Variants in OR5M10 observed in about 807,000 individuals in gnomAD.
The protein encoded by OR5M10 is olfactory receptor family 5 subfamily M member 10.
For missense variants in OR5M10, 387 were observed against 376.4 expected (o/e 1.03, Z -0.23); for synonymous variants, 149 against 144.8 (o/e 1.03, Z -0.21).
rs182443406 is a variant in OR5M10, at chr11:56,577,624, G to A, written c.98C>T (p.Ala33Val). 25 of 1,613,560 alleles carry A rather than the reference G, an allele frequency of 1.5e-5. No individual in the cohort carries two copies. Among genetic ancestry groups the A allele is most frequent in the South Asian group, 1.3e-4 (12 of 91,078 alleles). ...GCCTGCCAGTGTGATTAGGTAGATC[G>A]CCAGGAACACCCCAAACAGGATCTT... is the stretch of plus-strand genomic sequence containing the variant. ...LEKILFGVFL[A>V]IYLITLAGNL... The change falls in exon 1 of 1, where the codon GCG becomes GTG. Residue 33 changes from alanine to valine, a missense_variant. Physicochemically the swap from Ala to Val is moderately conservative, Grantham distance 64. Coordinates refer to ENST00000526538, the MANE Select transcript of OR5M10 (RefSeq NM_001004741.1).
In OR5M10 at chr11:56,576,827, G is replaced by A; in HGVS notation, c.895C>T (p.Leu299Phe). The change falls in exon 1 of 1, where the codon CTT becomes TTT. Residue 299 changes from leucine to phenylalanine, a missense_variant. By Grantham distance (22) the Leu-to-Phe change is conservative. Coordinates refer to ENST00000526538, the MANE Select transcript of OR5M10 (RefSeq NM_001004741.1). ...IYSLRNRDVI[L>F]AIQQMIRGKS... Reference sequence around the variant, plus strand: ...CCCCTAATCATTTGTTGTATGGCAAGGATTACATCTCTGTTCCGTAGGCTA... The same window carrying A: ...CCCCTAATCATTTGTTGTATGGCAAAGATTACATCTCTGTTCCGTAGGCTA... 1 of 1,613,220 alleles carries A rather than the reference G, an allele frequency of 6.2e-7. No individual in the cohort carries two copies. Among genetic ancestry groups the A allele is most frequent in the Non-Finnish European group, 8.5e-7 (1 of 1,179,742 alleles).
rs773230017 is a variant in OR5M10, at chr11:56,577,175, G to C, written c.547C>G (p.Pro183Ala). 132 of 1,613,756 alleles carry C rather than the reference G, an allele frequency of 8.2e-5. No homozygotes were observed. Among genetic ancestry groups the C allele is most frequent in the Admixed American group, 3.2e-4 (19 of 59,984 alleles). The change falls in exon 1 of 1, where the codon CCT (proline) becomes GCT (alanine). Residue 183 changes from proline (P) to alanine (A), a missense_variant. Coordinates refer to ENST00000526538, the MANE Select transcript of OR5M10 (RefSeq NM_001004741.1). ...EINHFYCADP[P>A]LIMLACSDTR... is the part of the protein sequence containing the mutation. ...TCAGAGCAGGCCAGCATGATAAGAG[G>C]AGGATCAGCGCAGTAGAAATGATTG...
Position 56,577,309 on chromosome 11 carries a change from T to C in OR5M10, c.413A>G (p.Lys138Arg), listed in dbSNP as rs771628713. ...AGTGACCAGAGAGATGCAAATGTTC[T>C]TGGACATCCTGGAACTGTAATGTAA... ...SPLHYSSRMS[K>R]NICISLVTVP... The change falls in exon 1 of 1, where the codon AAG becomes AGG. Residue 138 changes from lysine to arginine, a missense_variant. Lys to Arg is a conservative substitution (Grantham distance 26). Coordinates refer to ENST00000526538, the MANE Select transcript of OR5M10 (RefSeq NM_001004741.1). 2.5e-6 allele frequency: 4 copies of C among 1,613,862 alleles called. No individual in the cohort carries two copies. The Admixed American group carries it at 6.7e-5, about 27-fold the overall frequency.
In OR5M10 at chr11:56,577,325, T is replaced by G. The variant is rs763334712; in HGVS notation, c.397A>C (p.Ser133Arg). ...CAAATGTTCTTGGACATCCTGGAACTGTAATGTAAAGGGCTGCAAATGGCT... is the reference window on the plus strand; with the variant it reads ...CAAATGTTCTTGGACATCCTGGAACGGTAATGTAAAGGGCTGCAAATGGCT... The part of the protein sequence containing the change: ...YVAICSPLHY[S>R]SRMSKNICIS... The change falls in exon 1 of 1, where the codon AGT becomes CGT. Residue 133 changes from serine (S) to arginine (R), a missense_variant. Coordinates refer to ENST00000526538, the MANE Select transcript of OR5M10 (RefSeq NM_001004741.1). The G allele has an allele frequency of 9.9e-6, 16 of 1,613,704 alleles. No homozygotes were observed. Among genetic ancestry groups the G allele is most frequent in the Non-Finnish European group, 1.4e-5 (16 of 1,179,890 alleles).
In OR5M10 at chr11:56,577,715, A is replaced by G. The variant is rs1361397220; in HGVS notation, c.7T>C (p.Ser3Pro). 4 of 1,609,596 alleles carry G rather than the reference A, an allele frequency of 2.5e-6. No individual in the cohort carries two copies. Among genetic ancestry groups the G allele is most frequent in the Admixed American group, 1.7e-5 (1 of 59,872 alleles). The change falls in exon 1 of 1, where the codon TCC becomes CCC. Residue 3 changes from serine to proline, a missense_variant. Transcript: ENST00000526538. ML[S>P]PNHTIVTEFI... ...TCTGTCACTATGGTGTGGTTTGGGG[A>G]CAACATCTTCTTATTTCTTGAAAAC...
In OR5M10 at chr11:56,577,565, A is replaced by C; in HGVS notation, c.157T>G (p.Ser53Ala). ...AAATACATGGGTGTTTGCAGTTGGG[A>C]ATTGGTCCTGATCAGCAGGATCATG... ...LCMILLIRTNSQLQTPMYFFL... is the reference protein window; with the variant it reads ...LCMILLIRTNAQLQTPMYFFL... The change falls in exon 1 of 1, where the codon TCC becomes GCC. Residue 53 changes from serine (S) to alanine (A), a missense_variant. Coordinates refer to ENST00000526538, the MANE Select transcript of OR5M10 (RefSeq NM_001004741.1). 1.2e-6 allele frequency: 2 copies of C among 1,613,674 alleles called. No homozygotes were observed. The highest frequency in any genetic ancestry group is 1.7e-6 in the Non-Finnish European group (2 of 1,179,734).
chr11:56,576,883 A>G lies in OR5M10; in HGVS notation c.839T>C (p.Phe280Ser), dbSNP rs1853255569. 2 of 1,613,778 alleles carry G rather than the reference A, an allele frequency of 1.2e-6. No homozygotes were observed. The highest frequency in any genetic ancestry group is 1.7e-6 in the Non-Finnish European group (2 of 1,179,904). The change falls in exon 1 of 1, where the codon TTT (phenylalanine) becomes TCT (serine). Residue 280 changes from phenylalanine (F) to serine (S), a missense_variant. Physicochemically the swap from Phe to Ser is radical, Grantham distance 155. Transcript: ENST00000526538. ...CAATGGGTTCAGCATTGGGCTCAAA[A>G]AAGTATAAAAGACTGCAATTATTTT... ...ESKIIAVFYT[F>S]LSPMLNPLIY...
In OR5M10 at chr11:56,577,336, G is replaced by A; in HGVS notation, c.386C>T (p.Pro129Leu). Residue 129 changes from proline to leucine, a missense_variant, in exon 1 of 1, where the codon CCT becomes CTT. Coordinates refer to ENST00000526538, the MANE Select transcript of OR5M10 (RefSeq NM_001004741.1). ...ALDRYVAICS[P>L]LHYSSRMSKN... is the part of the protein sequence containing the mutation. ...GGACATCCTGGAACTGTAATGTAAAGGGCTGCAAATGGCTACATAGCGATC... is the reference window on the plus strand; with the variant it reads ...GGACATCCTGGAACTGTAATGTAAAAGGCTGCAAATGGCTACATAGCGATC... 6.2e-7 allele frequency: 1 copy of A among 1,613,808 alleles called. No homozygotes were observed.
rs1853266155 is a variant in OR5M10, at chr11:56,577,317, C to G, written c.405G>C (p.Arg135Ser). ...AICSPLHYSSRMSKNICISLV... is the reference protein window; with the variant it reads ...AICSPLHYSSSMSKNICISLV... ...GAGAGATGCAAATGTTCTTGGACATCCTGGAACTGTAATGTAAAGGGCTGC... is the reference window on the plus strand; with the variant it reads ...GAGAGATGCAAATGTTCTTGGACATGCTGGAACTGTAATGTAAAGGGCTGC... The change falls in exon 1 of 1, where the codon AGG becomes AGC. Residue 135 changes from arginine (R) to serine (S), a missense_variant. Transcript: ENST00000526538. 1 of 1,613,832 alleles carries G rather than the reference C, an allele frequency of 6.2e-7. No homozygotes were observed. Among genetic ancestry groups the G allele is most frequent in the Non-Finnish European group, 8.5e-7 (1 of 1,179,886 alleles).
Position 56,576,855 on chromosome 11 carries a change from G to A in OR5M10, c.867C>T (p.Ile289=), listed in dbSNP as rs147155596. 3.0e-5 allele frequency: 48 copies of A among 1,613,850 alleles called. No homozygotes were observed. The East Asian group carries it at 1.0e-3, about 34-fold the overall frequency. Residue 289 remains isoleucine (I), a synonymous_variant, in exon 1 of 1, where the codon ATC becomes ATT. Coordinates refer to ENST00000526538, the MANE Select transcript of OR5M10 (RefSeq NM_001004741.1). ...TFLSPMLNPL[I]YSLRNRDVIL... ...TTACATCTCTGTTCCGTAGGCTATA[G>A]ATCAATGGGTTCAGCATTGGGCTCA...
chr11:56,577,520 A>G lies in OR5M10; in HGVS notation c.202T>C (p.Phe68Leu), dbSNP rs1329617296. 3 of 1,613,528 alleles carry G rather than the reference A, an allele frequency of 1.9e-6. No homozygotes were observed. The highest frequency in any genetic ancestry group is 1.7e-6 in the Non-Finnish European group (2 of 1,179,732). ...TTGGAAGAATAGCAAATGTCTACAA[A>G]GGAGAGGTGACCAAGGAAGAAATAC... is the stretch of plus-strand genomic sequence containing the variant. Reference protein sequence around the residue: ...PMYFFLGHLSFVDICYSSNVT... With the variant: ...PMYFFLGHLSLVDICYSSNVT... The change falls in exon 1 of 1, where the codon TTT becomes CTT. Residue 68 changes from phenylalanine to leucine, a missense_variant. By Grantham distance (22) the Phe-to-Leu change is conservative. Transcript: ENST00000526538.
Position 56,576,851 on chromosome 11 carries a change from T to A in OR5M10, c.871A>T (p.Ser291Cys). The A allele has an allele frequency of 6.2e-7, 1 of 1,613,880 alleles. No individual in the cohort carries two copies. Among genetic ancestry groups the A allele is most frequent in the South Asian group, 1.1e-5 (1 of 91,080 alleles). Residue 291 changes from serine (S) to cysteine (C), a missense_variant, in exon 1 of 1, where the codon AGC becomes TGC. Coordinates refer to ENST00000526538, the MANE Select transcript of OR5M10 (RefSeq NM_001004741.1). ...AGGATTACATCTCTGTTCCGTAGGC[T>A]ATAGATCAATGGGTTCAGCATTGGG... ...LSPMLNPLIY[S>C]LRNRDVILAI...
In OR5M10 at chr11:56,577,537, A is replaced by T; in HGVS notation, c.185T>A (p.Phe62Tyr). The T allele has an allele frequency of 6.2e-7, 1 of 1,613,676 alleles. No homozygotes were observed. Among genetic ancestry groups the T allele is most frequent in the Non-Finnish European group, 8.5e-7 (1 of 1,179,736 alleles). The change falls in exon 1 of 1, where the codon TTC becomes TAC. Residue 62 changes from phenylalanine to tyrosine, a missense_variant. Coordinates refer to ENST00000526538, the MANE Select transcript of OR5M10 (RefSeq NM_001004741.1). Reference protein sequence around the residue: ...NSQLQTPMYFFLGHLSFVDIC... With the variant: ...NSQLQTPMYFYLGHLSFVDIC... ...GTCTACAAAGGAGAGGTGACCAAGG[A>T]AGAAATACATGGGTGTTTGCAGTTG... is the stretch of plus-strand genomic sequence containing the variant.
In OR5M10 at chr11:56,576,813, T is replaced by G; in HGVS notation, c.909A>C (p.Gln303His). Residue 303 changes from glutamine (Q) to histidine (H), a missense_variant, in exon 1 of 1, where the codon CAA becomes CAC. Coordinates refer to ENST00000526538, the MANE Select transcript of OR5M10 (RefSeq NM_001004741.1). ...TACAAAAGGATTTTCCCCTAATCATTTGTTGTATGGCAAGGATTACATCTC... is the reference window on the plus strand; with the variant it reads ...TACAAAAGGATTTTCCCCTAATCATGTGTTGTATGGCAAGGATTACATCTC... ...RNRDVILAIQQMIRGKSFCKI... is the reference protein window; with the variant it reads ...RNRDVILAIQHMIRGKSFCKI... 1 of 1,612,170 alleles carries G rather than the reference T, an allele frequency of 6.2e-7. No homozygotes were observed. The highest frequency in any genetic ancestry group is 1.1e-5 in the South Asian group (1 of 90,580).
Position 56,576,901 on chromosome 11 carries a change from A to C in OR5M10, c.821T>G (p.Ile274Ser). 5.6e-6 allele frequency: 9 copies of C among 1,613,868 alleles called. No homozygotes were observed. Among genetic ancestry groups the C allele is most frequent in the Non-Finnish European group, 7.6e-6 (9 of 1,179,860 alleles). Residue 274 changes from isoleucine to serine, a missense_variant, in exon 1 of 1, where the codon ATT becomes AGT. Coordinates refer to ENST00000526538, the MANE Select transcript of OR5M10 (RefSeq NM_001004741.1). ...GCTCAAAAAAGTATAAAAGACTGCA[A>C]TTATTTTGGACTCCTCTACAGACTT... ...SEKSVEESKIIAVFYTFLSPM... is the reference protein window; with the variant it reads ...SEKSVEESKISAVFYTFLSPM...
rs1853263774 is a variant in OR5M10, at chr11:56,577,235, T to C, written c.487A>G (p.Thr163Ala). ...GAGCCACAGAAGGATAAGTGAAAGG[T>C]CAGCAGTGTCTGAGAGAGCCCATTA... is the stretch of plus-strand genomic sequence containing the variant. ...FLNGLSQTLLTFHLSFCGSLE... is the reference protein window; with the variant it reads ...FLNGLSQTLLAFHLSFCGSLE... The change falls in exon 1 of 1, where the codon ACC becomes GCC. Residue 163 changes from threonine to alanine, a missense_variant. Physicochemically the swap from Thr to Ala is moderately conservative, Grantham distance 58 (BLOSUM62 0). Transcript: ENST00000526538. The C allele has an allele frequency of 3.7e-6, 6 of 1,613,768 alleles. No homozygotes were observed. The highest frequency in any genetic ancestry group is 5.1e-6 in the Non-Finnish European group (6 of 1,179,876).
chr11:56,576,992 G>A lies in OR5M10; in HGVS notation c.730C>T (p.His244Tyr), dbSNP rs367901011. The change falls in exon 1 of 1, where the codon CAC (histidine) becomes TAC (tyrosine). Residue 244 changes from histidine to tyrosine, a missense_variant. Transcript: ENST00000526538. The stretch of plus-strand genomic sequence containing the variant: ...TAAAACAAAGTGACTATTGTCAGGT[G>A]GGAAGCACACGTAGAAAAGGCTTTG... ...RHKAFSTCASHLTIVTLFYGT... is the reference protein window; with the variant it reads ...RHKAFSTCASYLTIVTLFYGT... The A allele has an allele frequency of 3.1e-6, 5 of 1,613,698 alleles. No individual in the cohort carries two copies. The African/African-American group carries it at 5.3e-5, about 17-fold the overall frequency.
chr11:56,577,695 C>G lies in OR5M10; in HGVS notation c.27G>C (p.Val9=). The G allele has an allele frequency of 6.2e-7, 1 of 1,613,562 alleles. No individual in the cohort carries two copies. The highest frequency in any genetic ancestry group is 8.5e-7 in the Non-Finnish European group (1 of 1,179,660). ...TCAGTCCTAAGAGAATGAATTCTGT[C>G]ACTATGGTGTGGTTTGGGGACAACA... MLSPNHTI[V]TEFILLGLTD... The change falls in exon 1 of 1, where the codon GTG becomes GTC. Residue 9 remains valine, a synonymous_variant. Coordinates refer to ENST00000526538, the MANE Select transcript of OR5M10 (RefSeq NM_001004741.1).
rs1418178298 is a variant in OR5M10 at position 56,577,323 on chromosome 11, A to G, written c.399T>C (p.Ser133=). The G allele has an allele frequency of 1.2e-6, 2 of 1,613,750 alleles. No homozygotes were observed. The highest frequency in any genetic ancestry group is 2.2e-5 in the East Asian group (1 of 44,880). ...YVAICSPLHY[S]SRMSKNICIS... is the part of the protein sequence containing the mutation. ...TGCAAATGTTCTTGGACATCCTGGA[A>G]CTGTAATGTAAAGGGCTGCAAATGG... is the stretch of plus-strand genomic sequence containing the variant. Residue 133 remains serine (S), a synonymous_variant, in exon 1 of 1, where the codon AGT becomes AGC. Coordinates refer to ENST00000526538, the MANE Select transcript of OR5M10 (RefSeq NM_001004741.1).
Sources: allele counts gnomAD v4.1 joint callset, GRCh38; gene constraint gnomAD v4.1.1; transcripts MANE v1.5; gene names NCBI Gene and HGNC (gene_info 2026-07-23, HGNC 2026-07-21).